Variants in KCNH5 observed in about 807,000 individuals in gnomAD.
KCNH5 encodes potassium voltage-gated channel subfamily H member 5, also known as voltage-gated delayed rectifier potassium channel KCNH5.
KCNH5 carries 46 observed loss-of-function variants against 96.1 expected under a neutral mutation model. The observed-to-expected ratio is 0.48, with a 90% confidence interval of 0.38 to 0.61. The LOEUF is 0.61. Ranked by LOEUF, KCNH5 falls within the 20% of genes least tolerant of loss-of-function variation. The probability of loss-of-function intolerance (pLI) is 0.00; values close to 1 mark genes in which losing one functional copy is unlikely to be tolerated. For missense variants in KCNH5, 907 were observed against 1,225.8 expected (o/e 0.74, Z 3.88); for synonymous variants, 439 against 449.8 (o/e 0.98, Z 0.30).
intron 10 of KCNH5, among the ~76,000 whole-genome samples, chr14:62,740,502 T>C (rs1272476880): frequency 3.3e-5 from 5 of 152,156 alleles, no homozygotes; most frequent in African/African-American, 7.2e-5. Flanking sequence ...CACCTAAGCT[T>C]GCCCTTTCTT....
intron 7 of KCNH5, among the ~76,000 whole-genome samples, chr14:62,897,996 A>G (rs1229940597): frequency 6.6e-6 from 1 of 152,220 alleles, no homozygotes; most frequent in Non-Finnish European, 1.5e-5. Context: ...TCATGAGTAT[A>G]ATTGGATGCT....
At chr14:62,792,868 CA>C (rs1412927451) in intron 9 of KCNH5, among the ~76,000 whole-genome samples, 2 of 151,592 alleles carry the variant, frequency 1.3e-5, no homozygotes, top group Non-Finnish European at 3.0e-5. Context: ...TAGCTTTATT[CA>C]AAATAGGTAG....
In KCNH5 at chr14:62,898,063, G is replaced by A. The variant is rs182788031; in HGVS notation, c.1370-48211C>T. On this transcript the variant is annotated intron_variant, in intron 7 of 10. Transcript: ENST00000322893. ...ACCTGCTAAGTATATGGCATTGCCC[G>A]GGCACTGGGGACCAATGAAAAATAA... Among the ~76,000 whole-genome samples the A allele has an allele frequency of 9.2e-4, 140 of 152,252 alleles. 1 individual carries two copies. Among genetic ancestry groups the A allele is most frequent in the Non-Finnish European group, 1.6e-3 (106 of 67,996 alleles).
chr14:62,911,697 T>A (rs548028597), intron 7 of KCNH5, among the ~76,000 whole-genome samples: 76 of 151,840 alleles, frequency 5.0e-4, no homozygotes, highest in Non-Finnish European at 9.0e-4. Flanking sequence ...GCATGTCAGA[T>A]TACTGGAGGA....
intron 6 of KCNH5, among the ~76,000 whole-genome samples, chr14:62,953,571 A>C (rs1890045975): frequency 6.6e-6 from 1 of 152,158 alleles, no homozygotes; most frequent in Non-Finnish European, 1.5e-5. Flanking sequence ...ATCTTCTATC[A>C]TGTGAATGAC....
chr14:62,998,204 G>C (rs1890946158), intron 4 of KCNH5, among the ~76,000 whole-genome samples: 2 of 152,076 alleles, frequency 1.3e-5, no homozygotes, highest in Admixed American at 1.3e-4. Flanking sequence ...TGTAAGTTTT[G>C]GTAGTTTGTG....
intron 7 of KCNH5, among the ~76,000 whole-genome samples, chr14:62,944,505 A>G (rs925439202): frequency 2.0e-5 from 3 of 152,044 alleles, no homozygotes; most frequent in African/African-American, 7.2e-5. Context: ...ACATACACAC[A>G]CACACACCGC....
intron 8 of KCNH5, among the ~76,000 whole-genome samples, chr14:62,845,705 C>G (rs965070597): frequency 6.6e-5 from 10 of 152,018 alleles, no homozygotes; most frequent in Non-Finnish European, 1.5e-5. Context: ...TTGTCTTAAG[C>G]AACTGAAAGG....
In KCNH5 at chr14:62,701,487, A is replaced by G. The variant is rs1417806855; in HGVS notation, c.*6021T>C. 1 of 152,130 alleles carries G rather than the reference A, an allele frequency of 6.6e-6. No individual in the cohort carries two copies. The highest frequency in any genetic ancestry group is 1.5e-5 in the Non-Finnish European group (1 of 68,004). 9.4% of individuals were successfully genotyped at this position (152,130 alleles called of 1,614,324 possible). A position where few individuals can be genotyped will look rare whatever the true frequency, so the allele number is the denominator to read the frequency against. ...TACAAGTAGTACAAGACATGACCTC[A>G]TTTAAATAATCATGCAGTGGTAATG... On this transcript the variant is annotated 3_prime_UTR_variant, in exon 11 of 11. Coordinates refer to ENST00000322893, the MANE Select transcript of KCNH5 (RefSeq NM_139318.5).
At chr14:62,868,990 T>C (rs898483468) in intron 7 of KCNH5, among the ~76,000 whole-genome samples, 3 of 152,252 alleles carry the variant, frequency 2.0e-5, no homozygotes, top group African/African-American at 7.2e-5. Context: ...AGTGCTGCAA[T>C]AAACATACGT....
chr14:62,720,507 C>T (rs779187117), intron 10 of KCNH5, among the ~76,000 whole-genome samples: 7 of 152,088 alleles, frequency 4.6e-5, no homozygotes, highest in African/African-American at 1.2e-4. Context: ...GGCGTGAACC[C>T]GGGAGGCGGA....
At chr14:62,957,157 G>T (rs1890119932) in intron 6 of KCNH5, among the ~76,000 whole-genome samples, 2 of 152,156 alleles carry the variant, frequency 1.3e-5, no homozygotes, top group Admixed American at 6.6e-5. Flanking sequence ...CAGTATCCAG[G>T]AGACACCTCT....
chr14:62,708,171 C>T lies in KCNH5; in HGVS notation c.2304G>A (p.Val768=). 2 of 1,614,218 alleles carry T rather than the reference C, an allele frequency of 1.2e-6. No individual in the cohort carries two copies. Among genetic ancestry groups the T allele is most frequent in the Non-Finnish European group, 1.7e-6 (2 of 1,180,050 alleles). ...ITPIQTSLAY[V]KTSESLKQNN... is the part of the protein sequence containing the mutation. ...TCTGCTTAAGGGATTCACTGGTTTT[C>T]ACATAGGCCAGAGACGTCTGAATGG... Residue 768 remains valine, a synonymous_variant, in exon 11 of 11, where the codon GTG becomes GTA. Transcript: ENST00000322893.
At chr14:62,887,470 C>T (rs1424349198) in intron 7 of KCNH5, among the ~76,000 whole-genome samples, 2 of 152,046 alleles carry the variant, frequency 1.3e-5, no homozygotes, top group East Asian at 1.9e-4. Flanking sequence ...TTGCCTCTTA[C>T]TGATGCTTCA....
At chr14:63,021,325 T>C (rs1891422263) in intron 1 of KCNH5, among the ~76,000 whole-genome samples, 1 of 152,144 alleles carries the variant, frequency 6.6e-6, no homozygotes, top group African/African-American at 2.4e-5. Flanking sequence ...CCCTCTGAAA[T>C]CCAGTCTCAC....
intron 7 of KCNH5, among the ~76,000 whole-genome samples, chr14:62,948,256 T>C (rs1028108727): frequency 3.9e-5 from 6 of 152,146 alleles, no homozygotes; most frequent in African/African-American, 1.4e-4. Context: ...GTTCCAAGTC[T>C]TTGCTATTTT....
intron 7 of KCNH5, among the ~76,000 whole-genome samples, chr14:62,897,515 A>G (rs1888837670): frequency 6.6e-6 from 1 of 152,160 alleles, no homozygotes; most frequent in South Asian, 2.1e-4. Context: ...TACCTGGAAT[A>G]TGCTGGAATA....
chr14:62,720,733 C>T (rs1294932613), intron 10 of KCNH5, among the ~76,000 whole-genome samples: 1 of 152,052 alleles, frequency 6.6e-6, no homozygotes, highest in African/African-American at 2.4e-5. Flanking sequence ...GATGAATAAT[C>T]CCAGAGGAAA....
At chr14:62,730,574 A>G (rs1885027597) in intron 10 of KCNH5, among the ~76,000 whole-genome samples, 1 of 152,230 alleles carries the variant, frequency 6.6e-6, no homozygotes, top group Non-Finnish European at 1.5e-5. Context: ...CACTATATGA[A>G]AAGAGATATC....
Sources: allele counts gnomAD v4.1 joint callset (sites outside exome capture counted in the v4.1 genomes callset), GRCh38; gene constraint gnomAD v4.1.1; transcripts MANE v1.5; gene names NCBI Gene and HGNC (gene_info 2026-07-23, HGNC 2026-07-21).